The following DMD variants were observed in gnomAD, a reference collection of about 807,000 sequenced individuals.
DMD encodes dystrophin.
A neutral mutation model predicts 330.1 loss-of-function variants in DMD; 63 were observed. The observed-to-expected ratio is 0.19, with a 90% confidence interval of 0.16 to 0.24. The LOEUF (loss-of-function observed/expected upper bound fraction) is 0.24, where lower values mean the gene tolerates loss of function less well. Among genes scored for constraint, DMD ranks in the 10% least tolerant of loss-of-function variants. The pLI is 1.00. For missense variants in DMD, 3,344 were observed against 2,684.1 expected (o/e 1.25, Z -5.43); for synonymous variants, 1,223 against 959.8 (o/e 1.27, Z -5.07).
chrX:31,923,891 C>T (rs765521915), intron 47 of DMD, among the ~76,000 whole-genome samples: 18 of 111,666 alleles, frequency 1.6e-4, no homozygotes, highest in African/African-American at 3.6e-4. Flanking sequence ...CCACCACACC[C>T]GGCCCGTTTT....
At chrX:31,515,123 G>A (rs1436656658) in intron 55 of DMD, among the ~76,000 whole-genome samples, 1 of 111,484 alleles carries the variant, frequency 9.0e-6, no homozygotes, top group Non-Finnish European at 1.9e-5. Context: ...GGGAAGAATA[G>A]GAAAAGTTAT....
At chrX:31,842,777 T>G (rs1389919112) in intron 48 of DMD, among the ~76,000 whole-genome samples, 1 of 111,772 alleles carries the variant, frequency 8.9e-6, no homozygotes, top group African/African-American at 3.2e-5. Flanking sequence ...ATTTATATAT[T>G]TATTGGGTGA....
intron 44 of DMD, among the ~76,000 whole-genome samples, chrX:32,090,653 G>A (rs950049084): frequency 4.5e-5 from 5 of 111,821 alleles, no homozygotes; most frequent in Non-Finnish European, 9.4e-5. Context: ...CTAACCATGA[G>A]ATAAGTTTCT....
chrX:31,917,142 G>A (rs2094619484), intron 47 of DMD, among the ~76,000 whole-genome samples: 1 of 111,223 alleles, frequency 9.0e-6, no homozygotes, highest in African/African-American at 3.3e-5. Context: ...ATTAGGGGGG[G>A]AAATGCAGAA....
chrX:32,006,345 A>G (rs1223195369), intron 44 of DMD, among the ~76,000 whole-genome samples: 2 of 112,060 alleles, frequency 1.8e-5, no homozygotes, highest in African/African-American at 6.5e-5. Flanking sequence ...ACAAAAAATA[A>G]TAAAATAAAT....
rs186200794 is a variant in DMD at position 32,316,018 on chromosome X, C to T, written c.5923-5742G>A. Among the ~76,000 whole-genome samples the T allele has an allele frequency of 3.2e-4, 35 of 111,073 alleles. No homozygotes were observed. The East Asian group carries it at 7.7e-3, about 25-fold the overall frequency. On this transcript the variant is annotated intron_variant, in intron 41 of 78. Coordinates refer to ENST00000357033, the MANE Select transcript of DMD (RefSeq NM_004006.3). ...ATGAAGAAGCTCTTATTAACCTGAT[C>T]GAAATACTCTTAAAAGAAATATTAG...
At chrX:31,863,242 A>C (rs957658903) in intron 48 of DMD, among the ~76,000 whole-genome samples, 4 of 112,122 alleles carry the variant, frequency 3.6e-5, no homozygotes, top group African/African-American at 9.7e-5. Flanking sequence ...GCTCGGGAGG[A>C]TGACGCAGGA....
At chrX:31,949,174 T>C (rs780001098) in intron 45 of DMD, among the ~76,000 whole-genome samples, 47 of 111,438 alleles carry the variant, frequency 4.2e-4, no homozygotes, top group Non-Finnish European at 8.3e-4. Context: ...GATTGTGCAA[T>C]TTTTCAATTT....
intron 57 of DMD, among the ~76,000 whole-genome samples, chrX:31,480,437 G>A (rs2149262403): frequency 9.0e-6 from 1 of 111,032 alleles, no homozygotes; most frequent in East Asian, 2.8e-4. Context: ...AGATAGGGAA[G>A]TACTTTCTGA....
intron 2 of DMD, among the ~76,000 whole-genome samples, chrX:32,967,425 C>T (rs1417148989): frequency 8.9e-6 from 1 of 111,856 alleles, no homozygotes; most frequent in Non-Finnish European, 1.9e-5. Context: ...GGACTTAATG[C>T]CACTGGAGAC....
At chrX:31,537,908 A>G (rs1361261205) in intron 55 of DMD, among the ~76,000 whole-genome samples, 1 of 112,218 alleles carries the variant, frequency 8.9e-6, no homozygotes, top group African/African-American at 3.2e-5. Context: ...AGTATTTCAA[A>G]TTTCAGGTTT....
chrX:31,137,149 G>A (rs1455784978), intron 76 of DMD, among the ~76,000 whole-genome samples: 1 of 111,180 alleles, frequency 9.0e-6, no homozygotes, highest in Non-Finnish European at 1.9e-5. Flanking sequence ...CTCCTGAGTA[G>A]CTGGGACTAC....
intron 11 of DMD, among the ~76,000 whole-genome samples, chrX:32,615,371 A>C (rs780796931): frequency 1.8e-4 from 20 of 111,154 alleles, no homozygotes; most frequent in Non-Finnish European, 9.5e-5. Flanking sequence ...AAACGTTCTC[A>C]ATTACATTTC....
At chrX:32,171,024 C>A (rs936001222) in intron 44 of DMD, among the ~76,000 whole-genome samples, 1 of 111,546 alleles carries the variant, frequency 9.0e-6, no homozygotes, top group Admixed American at 9.6e-5. Flanking sequence ...ATTAGTCATA[C>A]TGTGGTGATA....
At chrX:31,837,887 CTTA>C (rs1165084467) in intron 48 of DMD, among the ~76,000 whole-genome samples, 1 of 112,363 alleles carries the variant, frequency 8.9e-6, no homozygotes, top group Non-Finnish European at 1.9e-5. Flanking sequence ...TTTTCCAGTT[CTTA>C]TTATAATAAA....
At chrX:32,571,818 C>T (rs1403567244) in intron 15 of DMD, among the ~76,000 whole-genome samples, 1 of 111,676 alleles carries the variant, frequency 9.0e-6, no homozygotes, top group East Asian at 2.8e-4. Context: ...CCATTTCAAA[C>T]TTCTGCCTCT....
Position 32,961,059 on chromosome X carries a change from T to C in DMD, c.93+59080A>G, listed in dbSNP as rs1479491467. Among the ~76,000 whole-genome samples, 4 of 111,583 alleles carry C rather than the reference T, an allele frequency of 3.6e-5. No homozygotes were observed. The Admixed American group carries it at 3.8e-4, about 11-fold the overall frequency. On this transcript the variant is annotated intron_variant, in intron 2 of 78. Transcript: ENST00000357033. ...TACAAATGTTGGAATCTACAGACCA[T>C]GGAAGCATAAAATATATATTGCCTC... is the stretch of plus-strand genomic sequence containing the variant.
chrX:31,372,255 T>C (rs1452515507), intron 60 of DMD, among the ~76,000 whole-genome samples: 2 of 112,035 alleles, frequency 1.8e-5, no homozygotes, highest in Non-Finnish European at 3.8e-5. Context: ...TTGACAGCAA[T>C]TGGCTGACCA....
chrX:32,805,409 A>G (rs1398894580), intron 7 of DMD, among the ~76,000 whole-genome samples: 3 of 111,926 alleles, frequency 2.7e-5, no homozygotes, highest in Non-Finnish European at 5.6e-5. Context: ...AGACAAGATT[A>G]GAGAAAAAAG....
Sources: allele counts gnomAD v4.1 joint callset (sites outside exome capture counted in the v4.1 genomes callset), GRCh38; gene constraint gnomAD v4.1.1; transcripts MANE v1.5; gene names NCBI Gene and HGNC (gene_info 2026-07-23, HGNC 2026-07-21).